DDX5: variants seen among roughly 807,000 people sequenced by gnomAD.
DDX5 encodes the protein DEAD-box helicase 5, also known as probable ATP-dependent RNA helicase DDX5.
In DDX5, 6 loss-of-function variants were observed where a neutral mutation model predicts 68.6. That is an observed-to-expected ratio of 0.09 (90% confidence interval 0.05 to 0.17). DDX5 has a LOEUF of 0.17. Among genes scored for constraint, DDX5 ranks in the 10% least tolerant of loss-of-function variants. DDX5 has a pLI of 1.00. For synonymous variants in DDX5, 350 were observed against 247.0 expected (o/e 1.42, Z -3.91); for missense variants, 499 against 756.1 (o/e 0.66, Z 3.99).
At chr17:64,504,991 TCTCTC>T (rs1436306571) in intron 1 of DDX5, 149 bp from the exon 2 acceptor site, 1 of 600,166 alleles carries the variant, frequency 1.7e-6, no homozygotes. Context: ...AATCTCTCTC[TCTCTC>T]AACAGCCACA....
chr17:64,506,206 C>A lies in DDX5; in HGVS notation c.-87G>T. ...GGAAATGGCCTCGATGACGGCGAAGCCTTGCGGGGGCGGCAGCGGAGGAAG... is the reference window on the plus strand; with the variant it reads ...GGAAATGGCCTCGATGACGGCGAAGACTTGCGGGGGCGGCAGCGGAGGAAG... On this transcript the variant is annotated 5_prime_UTR_variant, in exon 1 of 13. Coordinates refer to ENST00000225792, the MANE Select transcript of DDX5 (RefSeq NM_004396.5). 7.7e-6 allele frequency: 12 copies of A among 1,566,960 alleles called. No individual in the cohort carries two copies. The highest frequency in any genetic ancestry group is 1.0e-5 in the Non-Finnish European group (12 of 1,155,972).
At chr17:64,506,402 A>T, upstream of DDX5, 6 of 1,392,864 alleles carry the variant, frequency 4.3e-6, no homozygotes, top group Non-Finnish European at 4.7e-6. Context: ...ATAGGCCGCA[A>T]CGCCCGCTGG....
chr17:64,500,565 G>C lies in DDX5; in HGVS notation c.1425C>G (p.Val475=), dbSNP rs183618509. ...CATCCTTACCTGAACCTCTGTCTTC[G>C]ACCAACTGAAGCAACTTGGGATTAA... is the stretch of plus-strand genomic sequence containing the variant. The part of the protein sequence containing the change: ...QAINPKLLQL[V]EDRGSGRSRG... The change falls in exon 12 of 13, where the codon GTC becomes GTG. Residue 475 remains valine, a synonymous_variant. Transcript: ENST00000225792. The C allele has an allele frequency of 6.2e-7, 1 of 1,613,492 alleles. No individual in the cohort carries two copies. Among genetic ancestry groups the C allele is most frequent in the African/African-American group, 1.3e-5 (1 of 74,890 alleles).
chr17:64,500,445 G>C (rs1478795057), intron 12 of DDX5, 104 bp downstream of exon 12: 16 of 1,518,430 alleles, frequency 1.1e-5, no homozygotes, highest in African/African-American at 6.9e-5. Context: ...TTCAGCTTAA[G>C]TTTTCACATT....
At position 64,506,037 on chromosome 17, in the gene DDX5, C is replaced by A. The variant is rs782138818; in HGVS notation, c.44+39G>T. The A allele has an allele frequency of 6.5e-7, 1 of 1,549,576 alleles. No homozygotes were observed. The highest frequency in any genetic ancestry group is 8.7e-7 in the Non-Finnish European group (1 of 1,148,244). On this transcript the variant is annotated intron_variant, in intron 1 of 12. Coordinates refer to ENST00000225792, the MANE Select transcript of DDX5 (RefSeq NM_004396.5). ...CCACCCTGACCCGCCCTCCCATCCC[C>A]CCACCCGCCAGGCCTGACAGCTCGG...
chr17:64,499,524 G>T lies in DDX5; in HGVS notation c.*399C>A. On this transcript the variant is annotated 3_prime_UTR_variant, in exon 13 of 13. Transcript: ENST00000225792. ...AAAGGAACAGTCATTTGTTTTCATG[G>T]AAAAAAAAAACCAAACAAAAACAAA... The T allele has an allele frequency of 2.8e-5, 5 of 176,916 alleles. No homozygotes were observed. Among genetic ancestry groups the T allele is most frequent in the East Asian group, 8.1e-5 (1 of 12,418 alleles). The allele number at this position is 176,916 out of a possible 1,614,324, so 11.0% of individuals were successfully genotyped here.
At chr17:64,506,799 C>G, upstream of DDX5, 1 of 550,478 alleles carries the variant, frequency 1.8e-6, no homozygotes, top group South Asian at 2.1e-5. Context: ...GGGCTGCCGG[C>G]TGATGTGGAC....
chr17:64,503,093 A>G lies in DDX5; in HGVS notation c.816T>C (p.Asp272=), dbSNP rs782007139. The G allele has an allele frequency of 1.9e-6, 3 of 1,613,236 alleles. No individual in the cohort carries two copies. Among genetic ancestry groups the G allele is most frequent in the African/African-American group, 1.3e-5 (1 of 74,902 alleles). ...TCGCACTCCACATTAGAGTTTGCCT[A>G]TCAGGCTAATGGATTTTGGGGGGAA... is the stretch of plus-strand genomic sequence containing the variant. The part of the protein sequence containing the change: ...IRKIVDQIRP[D]RQTLMWSATW... Residue 272 remains aspartate (D), a synonymous_variant, in exon 8 of 13, where the codon GAT becomes GAC. Coordinates refer to ENST00000225792, the MANE Select transcript of DDX5 (RefSeq NM_004396.5).
At position 64,504,636 on chromosome 17, in the gene DDX5, G is replaced by T. The variant is rs528423372; in HGVS notation, c.210+41C>A. 13 of 1,555,490 alleles carry T rather than the reference G, an allele frequency of 8.4e-6. No homozygotes were observed. The African/African-American group carries it at 9.7e-5, about 12-fold the overall frequency. ...CAGAATTTCATTTACTAGAATCCAC[G>T]ATCGAGTTACAGCCTGATGAAGCCA... is the stretch of plus-strand genomic sequence containing the variant. On this transcript the variant is annotated intron_variant, in intron 2 of 12. Transcript: ENST00000225792.
In DDX5 at chr17:64,506,186, T is replaced by A. The variant is rs2038510165; in HGVS notation, c.-67A>T. The A allele has an allele frequency of 6.3e-7, 1 of 1,583,276 alleles. No individual in the cohort carries two copies. The highest frequency in any genetic ancestry group is 1.8e-5 in the Admixed American group (1 of 54,744). On this transcript the variant is annotated 5_prime_UTR_variant, in exon 1 of 13. Transcript: ENST00000225792. ...AAAGCGTGCGACAAGTCGCTGGAAA[T>A]GGCCTCGATGACGGCGAAGCCTTGC... is the stretch of plus-strand genomic sequence containing the variant.
At chr17:64,502,626 A>G in intron 8 of DDX5, 77 bp from the exon 9 acceptor site, 6 of 1,071,464 alleles carry the variant, frequency 5.6e-6, no homozygotes, top group South Asian at 4.2e-5. Context: ...ATGGTCAGCA[A>G]AACATTAAGT....
rs1432396735 is a variant in DDX5 at position 64,499,394 on chromosome 17, TG to T, written c.*528del. Among the ~76,000 whole-genome samples the T allele has an allele frequency of 2.0e-5, 3 of 152,180 alleles. No individual in the cohort carries two copies. Among genetic ancestry groups the T allele is most frequent in the Non-Finnish European group, 4.4e-5 (3 of 68,022 alleles). On this transcript the variant is annotated 3_prime_UTR_variant, in exon 13 of 13. Transcript: ENST00000225792. The stretch of plus-strand genomic sequence containing the variant: ...GACAAAGCTTTTATGCAATTTAGCC[TG>T]TAACTAAAAATTCACCTGTATCAAT...
rs782531137 is a variant in DDX5, at chr17:64,500,167, ACAC to A, written c.1598_1600del (p.Gly533del). 6.2e-7 allele frequency: 1 copy of A among 1,614,078 alleles called. No homozygotes were observed. Among genetic ancestry groups the A allele is most frequent in the African/African-American group, 1.3e-5 (1 of 74,934 alleles). On this transcript the variant is annotated inframe_deletion, in exon 13 of 13. Coordinates refer to ENST00000225792, the MANE Select transcript of DDX5 (RefSeq NM_004396.5). ...ATTGGTGTAATTTGCAGCACTGTAA[ACAC>A]CATTCTGAGTTTTTGCCCCAAAATC...
chr17:64,499,561 A>G lies in DDX5; in HGVS notation c.*362T>C, dbSNP rs1481887477. The G allele has an allele frequency of 4.2e-6, 1 of 237,290 alleles. No homozygotes were observed. 14.7% of individuals were successfully genotyped at this position (237,290 alleles called of 1,614,324 possible). Reference sequence around the variant, plus strand: ...CAAACAAAAACAAAAAAAAAACCAGACCATCTTAAGCAAAGTTTTACATGA... The same window carrying G: ...CAAACAAAAACAAAAAAAAAACCAGGCCATCTTAAGCAAAGTTTTACATGA... On this transcript the variant is annotated 3_prime_UTR_variant, in exon 13 of 13. Transcript: ENST00000225792.
At chr17:64,502,326 G>T (rs782283153) in intron 9 of DDX5, 103 bp from the exon 10 acceptor site, 12 of 1,477,802 alleles carry the variant, frequency 8.1e-6, no homozygotes, top group East Asian at 6.8e-5. Flanking sequence ...CGCCAGAAAT[G>T]AAAAAGTTAA....
chr17:64,505,432 C>T (rs2038442083), intron 1 of DDX5: 2 of 546,182 alleles, frequency 3.7e-6, no homozygotes, highest in Non-Finnish European at 3.3e-6. Flanking sequence ...GAGGAGCCGG[C>T]GACTACCGGG....
At chr17:64,501,963 T>C in intron 11 of DDX5, 47 bp downstream of exon 11, 12 of 1,576,712 alleles carry the variant, frequency 7.6e-6, no homozygotes, top group Non-Finnish European at 1.0e-5. Flanking sequence ...AAAAGTTAAA[T>C]GGAGATCTTC....
Position 64,498,446 on chromosome 17 carries a change from G to C in DDX5, c.*1477C>G, listed in dbSNP as rs2038209387. ...TTAAACAGTAAAATATGTAATAAAT[G>C]CTCCAACCTACCCTCTCCCCCGAAA... On this transcript the variant is annotated 3_prime_UTR_variant, in exon 13 of 13. Coordinates refer to ENST00000225792, the MANE Select transcript of DDX5 (RefSeq NM_004396.5). Among the ~76,000 whole-genome samples, 1 of 152,100 alleles carries C rather than the reference G, an allele frequency of 6.6e-6. No homozygotes were observed. The highest frequency in any genetic ancestry group is 6.6e-5 in the Admixed American group (1 of 15,266).
At position 64,506,266 on chromosome 17, in the gene DDX5, G is replaced by C. The variant is rs1162374966; in HGVS notation, c.-147C>G. On this transcript the variant is annotated 5_prime_UTR_variant, in exon 1 of 13. Coordinates refer to ENST00000225792, the MANE Select transcript of DDX5 (RefSeq NM_004396.5). ...GACACCAGCCGAAGCTGCACTACTA[G>C]AGACCGGTAGAAATGAATGAGGTGC... is the stretch of plus-strand genomic sequence containing the variant. 5.2e-6 allele frequency: 8 copies of C among 1,539,288 alleles called. No individual in the cohort carries two copies. Among genetic ancestry groups the C allele is most frequent in the Admixed American group, 3.9e-5 (2 of 50,824 alleles).
Sources: allele counts gnomAD v4.1 joint callset (sites outside exome capture counted in the v4.1 genomes callset), GRCh38; gene constraint gnomAD v4.1.1; transcripts MANE v1.5; gene names NCBI Gene and HGNC (gene_info 2026-07-23, HGNC 2026-07-21).